The following IGF1R variants were observed in gnomAD, a reference collection of about 807,000 sequenced individuals.
IGF1R encodes insulin like growth factor 1 receptor, also known as insulin-like growth factor 1 receptor.
Under a neutral mutation model 144.6 loss-of-function variants are expected in IGF1R, and 44 were observed. The observed-to-expected ratio is 0.30, with a 90% CI of 0.24 to 0.39. The LOEUF is 0.39. IGF1R is among the 10% of genes least tolerant of loss of function. The pLI is 1.00. For missense variants in IGF1R, 1,355 were observed against 1,833.7 expected (o/e 0.74, Z 4.77); for synonymous variants, 795 against 722.8 (o/e 1.10, Z -1.60).
intron 19 of IGF1R, among the ~76,000 whole-genome samples, chr15:98,945,964 G>T (rs2016533647): frequency 6.6e-6 from 1 of 152,066 alleles, no homozygotes; most frequent in African/African-American, 2.4e-5. Flanking sequence ...TTGCCTGTGG[G>T]TGATGGTAAG....
At chr15:98,871,700 T>C (rs1008059367) in intron 2 of IGF1R, among the ~76,000 whole-genome samples, 1 of 152,200 alleles carries the variant, frequency 6.6e-6, no homozygotes, top group African/African-American at 2.4e-5. Flanking sequence ...GAAACTTCCA[T>C]TTTAAAAACC....
rs376839297 is a variant in IGF1R, at chr15:98,935,445, C to T, written c.3297+19C>T. 1.1e-4 allele frequency: 145 copies of T among 1,369,368 alleles called. No homozygotes were observed. Among genetic ancestry groups the T allele is most frequent in the Middle Eastern group, 3.5e-4 (2 of 5,706 alleles). The allele number at this position is 1,369,368 out of a possible 1,614,324, so 84.8% of individuals were successfully genotyped here. A position where few individuals can be genotyped will look rare whatever the true frequency, so the allele number is the denominator to read the frequency against. On this transcript the variant is annotated intron_variant, in intron 17 of 20. Coordinates refer to ENST00000650285, the MANE Select transcript of IGF1R (RefSeq NM_000875.5). This position sits in a 1 kb window ranked among gnomAD's most constrained non-coding sequence, Gnocchi z 4.2. The stretch of plus-strand genomic sequence containing the variant: ...AATGGAGGTCAGTTTTCATTTCCAC[C>T]GGTATTGCATGTTGCCTGGCCTGCT...
intron 2 of IGF1R, among the ~76,000 whole-genome samples, chr15:98,865,548 A>C (rs1284602632): frequency 6.6e-6 from 1 of 152,194 alleles, no homozygotes; most frequent in African/African-American, 2.4e-5. Flanking sequence ...GGCATGTGCT[A>C]AAGTGGATAG....
chr15:98,832,814 A>C (rs2057025746), intron 2 of IGF1R, among the ~76,000 whole-genome samples: 2 of 152,236 alleles, frequency 1.3e-5, no homozygotes, highest in Non-Finnish European at 1.5e-5. Flanking sequence ...GCCATGGTTT[A>C]TACAATTTCT....
At chr15:98,809,464 C>T (rs1395374976) in intron 2 of IGF1R, among the ~76,000 whole-genome samples, 2 of 152,150 alleles carry the variant, frequency 1.3e-5, no homozygotes, top group Non-Finnish European at 2.9e-5. Context: ...TGCCTGGTGC[C>T]AGGGCTCTGG....
At chr15:98,861,898 T>C (rs2012177496) in intron 2 of IGF1R, among the ~76,000 whole-genome samples, 1 of 152,258 alleles carries the variant, frequency 6.6e-6, no homozygotes, top group South Asian at 2.1e-4. Flanking sequence ...TATCCCATAA[T>C]GCTGGGAACA....
At chr15:98,746,229 C>T (rs1217763554) in intron 2 of IGF1R, among the ~76,000 whole-genome samples, 3 of 152,138 alleles carry the variant, frequency 2.0e-5, no homozygotes, top group Non-Finnish European at 4.4e-5. Context: ...GATGATTCAC[C>T]GGGGTAGGTG....
Position 98,961,493 on chromosome 15 carries a change from A to G in IGF1R, c.*4051A>G, listed in dbSNP as rs1424226806. On this transcript the variant is annotated 3_prime_UTR_variant, in exon 21 of 21. Coordinates refer to ENST00000650285, the MANE Select transcript of IGF1R (RefSeq NM_000875.5). ...GACTATACCAAGGCATCATCTATCC[A>G]CAGTTCTAGCCTAACTTCATGCTGA... 4.3e-6 allele frequency: 1 copy of G among 233,332 alleles called. No homozygotes were observed. The highest frequency in any genetic ancestry group is 6.0e-5 in the East Asian group (1 of 16,592). The allele number at this position is 233,332 out of a possible 1,614,324, so 14.5% of individuals were successfully genotyped here.
intron 2 of IGF1R, among the ~76,000 whole-genome samples, chr15:98,778,196 C>G (rs902080190): frequency 2.6e-5 from 4 of 152,154 alleles, no homozygotes; most frequent in Non-Finnish European, 5.9e-5. Context: ...ACAGAAGATG[C>G]AAAGCCTGTA....
At chr15:98,857,907 C>T (rs1469694685) in intron 2 of IGF1R, among the ~76,000 whole-genome samples, 1 of 152,148 alleles carries the variant, frequency 6.6e-6, no homozygotes, top group Non-Finnish European at 1.5e-5. Context: ...GGGTGGTATG[C>T]ACGTTTTAAA....
chr15:98,663,726 A>C (rs1383020973), intron 1 of IGF1R, among the ~76,000 whole-genome samples: 2 of 152,176 alleles, frequency 1.3e-5, no homozygotes, highest in African/African-American at 2.4e-5. Flanking sequence ...AGGCTGATGC[A>C]GTGGCCTTGG....
intron 2 of IGF1R, among the ~76,000 whole-genome samples, chr15:98,711,831 A>G (rs946910657): frequency 6.6e-6 from 1 of 152,040 alleles, no homozygotes; most frequent in African/African-American, 2.4e-5. Flanking sequence ...CAACAGAAAT[A>G]CTGCTCACAG....
chr15:98,909,261 C>CTTTTTTTTTTTTTTTTTTTTTTT (rs752298130), intron 6 of IGF1R, among the ~76,000 whole-genome samples: 1 of 91,758 alleles, frequency 1.1e-5, no homozygotes, highest in African/African-American at 5.0e-5. Flanking sequence ...CTTTTTTTTT[C>CTTTTTTTTTTTTTTTTTTTTTTT]TTTTTTTTTT....
At chr15:98,896,240 G>A (rs1255679654) in intron 3 of IGF1R, among the ~76,000 whole-genome samples, 2 of 152,150 alleles carry the variant, frequency 1.3e-5, no homozygotes, top group East Asian at 3.9e-4. Context: ...CATGCCTTTT[G>A]GTATCCCTCA....
chr15:98,916,420 C>A, intron 9 of IGF1R: 1 of 563,338 alleles, frequency 1.8e-6, no homozygotes, highest in Non-Finnish European at 3.2e-6. Flanking sequence ...CACCACCATG[C>A]CCAGCTAATT....
Position 98,891,478 on chromosome 15 carries a change from C to T in IGF1R, c.794C>T (p.Pro265Leu), listed in dbSNP as rs776904690. 8.1e-6 allele frequency: 13 copies of T among 1,614,108 alleles called. No individual in the cohort carries two copies. Among genetic ancestry groups the T allele is most frequent in the South Asian group, 7.7e-5 (7 of 91,086 alleles). Reference sequence around the variant, plus strand: ...GCCGGTGTCTGTGTGCCTGCCTGCCCGCCCAACACCTACAGGTTTGAGGGC... The same window carrying T: ...GCCGGTGTCTGTGTGCCTGCCTGCCTGCCCAACACCTACAGGTTTGAGGGC... Reference protein sequence around the residue: ...YYAGVCVPACPPNTYRFEGWR... With the variant: ...YYAGVCVPACLPNTYRFEGWR... Residue 265 changes from proline to leucine, a missense_variant, in exon 3 of 21, where the codon CCG becomes CTG. Around this residue, in one of 7 missense-constraint regions of IGF1R, gnomAD observed 880 missense variants for 1,202.7 expected, o/e 0.73. Transcript: ENST00000650285. This position sits in a 1 kb window ranked among gnomAD's most constrained non-coding sequence, Gnocchi z 4.7.
chr15:98,939,822 C>T (rs1056886222), intron 18 of IGF1R, among the ~76,000 whole-genome samples: 3 of 152,314 alleles, frequency 2.0e-5, no homozygotes, highest in Admixed American at 6.5e-5. Context: ...AGCCTCTGCA[C>T]GGAGCAGGAG....
intron 14 of IGF1R, 143 bp downstream of exon 14, chr15:98,929,803 G>C (rs1463886966): frequency 1.4e-6 from 1 of 722,550 alleles, no homozygotes; most frequent in African/African-American, 1.8e-5. Flanking sequence ...TGTTCTTCCA[G>C]GAAAAGAGAA....
Position 98,960,553 on chromosome 15 carries a change from C to G in IGF1R, c.*3111C>G. On this transcript the variant is annotated 3_prime_UTR_variant, in exon 21 of 21. Transcript: ENST00000650285. ...GGCAGCACCATCTCTGTGCGAATCC[C>G]CAGGGTAAAGGCGTGGGGCATTGGG... 1 of 233,504 alleles carries G rather than the reference C, an allele frequency of 4.3e-6. No individual in the cohort carries two copies. The highest frequency in any genetic ancestry group is 8.5e-6 in the Non-Finnish European group (1 of 118,210). 14.5% of individuals were successfully genotyped at this position (233,504 alleles called of 1,614,324 possible).
Sources: allele counts gnomAD v4.1 joint callset (sites outside exome capture counted in the v4.1 genomes callset), GRCh38; gene constraint gnomAD v4.1.1; regional missense constraint gnomAD v4.1.1; non-coding constraint Gnocchi (gnomAD v3.1); transcripts MANE v1.5; gene names NCBI Gene and HGNC (gene_info 2026-07-23, HGNC 2026-07-21).